BCL10: variants seen among roughly 807,000 people sequenced by gnomAD.
The protein encoded by BCL10 is BCL10 immune signaling adaptor.
In BCL10, 5 loss-of-function variants were observed where a neutral mutation model predicts 19.2. The observed-to-expected ratio is 0.26, with a 90% CI of 0.14 to 0.55. BCL10 has a LOEUF of 0.55. BCL10 is among the 20% of genes least tolerant of loss of function. The pLI, the probability that BCL10 is intolerant of heterozygous loss-of-function variation, is 0.94. For synonymous variants in BCL10, 110 were observed against 98.8 expected, an observed-to-expected ratio of 1.11 and a Z score of -0.67; for missense variants, 201 against 271.9, an observed-to-expected ratio of 0.74 and a Z score of 1.83.
At position 85,267,238 on chromosome 1, in the gene BCL10, A is replaced by C; in HGVS notation, c.*389T>G. 9.2e-6 allele frequency: 2 copies of C among 217,754 alleles called. No individual in the cohort carries two copies. The highest frequency in any genetic ancestry group is 1.4e-4 in the East Asian group (2 of 14,050). 13.5% of individuals were successfully genotyped at this position (217,754 alleles called of 1,614,324 possible). ...GCTTAATGCTGAAAATTTGCTGCTG[A>C]ATGACTGGCAAAGACTATTAGACTC... On this transcript the variant is annotated 3_prime_UTR_variant, in exon 3 of 3. Transcript: ENST00000648566.
At chr1:85,275,606 G>A (rs1422707316) in intron 1 of BCL10, among the ~76,000 whole-genome samples, 1 of 152,070 alleles carries the variant, frequency 6.6e-6, no homozygotes, top group Non-Finnish European at 1.5e-5. Context: ...ACAAGTAAAC[G>A]CAAAGGAAAA....
rs534650051 is a variant in BCL10, at chr1:85,275,259, A to G, written c.57+1037T>C. Reference sequence around the variant, plus strand: ...AGGAAACTGATCTTCATTTTTTTGTATCCTTCCAGACCCAAGGCCAGTGCT... The same window carrying G: ...AGGAAACTGATCTTCATTTTTTTGTGTCCTTCCAGACCCAAGGCCAGTGCT... On this transcript the variant is annotated intron_variant, in intron 1 of 2. Coordinates refer to ENST00000648566, the MANE Select transcript of BCL10 (RefSeq NM_003921.5). Among the ~76,000 whole-genome samples the G allele has an allele frequency of 4.6e-5, 7 of 152,280 alleles. No homozygotes were observed. The East Asian group carries it at 1.3e-3, about 29-fold the overall frequency.
chr1:85,274,840 AAACCCATCCATGGTTTCCTC>A (rs1660472148), intron 1 of BCL10, among the ~76,000 whole-genome samples: 1 of 152,232 alleles, frequency 6.6e-6, no homozygotes, highest in Non-Finnish European at 1.5e-5. Context: ...AGACCTTTTG[AAACCCATCCATGGTTTCCTC>A]AAGGTTATTT....
chr1:85,270,846 G>T lies in BCL10; in HGVS notation c.118C>A (p.His40Asn). The T allele has an allele frequency of 1.2e-6, 2 of 1,613,280 alleles. No individual in the cohort carries two copies. The highest frequency in any genetic ancestry group is 1.1e-5 in the South Asian group (1 of 91,038). Residue 40 changes from histidine (H) to asparagine (N), a missense_variant, in exon 2 of 3, where the codon CAT (histidine) becomes AAT (asparagine). By Grantham distance (68) the His-to-Asn change is moderately conservative. This residue lies in a region of BCL10 where 51 missense variants were observed against 118.8 expected (regional missense o/e 0.43). Transcript: ENST00000648566. The part of the protein sequence containing the change: ...EKIIAERHFD[H>N]LRAKKILSRE... ...CTGAGTATTTTTTTTGCACGTAGAT[G>T]ATCAAAATGTCTCTCAGCTATGATT...
chr1:85,267,511 A>G lies in BCL10; in HGVS notation c.*116T>C. 1.2e-6 allele frequency: 1 copy of G among 833,520 alleles called. No homozygotes were observed. Among genetic ancestry groups the G allele is most frequent in the South Asian group, 2.0e-5 (1 of 50,178 alleles). 51.6% of individuals were successfully genotyped at this position (833,520 alleles called of 1,614,324 possible). A position where few individuals can be genotyped will look rare whatever the true frequency, so the allele number is the denominator to read the frequency against. ...AATCCTATTTACAAAGTATGCTTAC[A>G]TTGCATTTTAAAAGACATGCATCAA... On this transcript the variant is annotated 3_prime_UTR_variant, in exon 3 of 3. Coordinates refer to ENST00000648566, the MANE Select transcript of BCL10 (RefSeq NM_003921.5).
chr1:85,267,407 A>G lies in BCL10; in HGVS notation c.*220T>C. ...AGTACTGAAAGACCTTAAAAAGGAA[A>G]AAAAGAAATTACTAAAAAGTACATG... On this transcript the variant is annotated 3_prime_UTR_variant, in exon 3 of 3. Transcript: ENST00000648566. The G allele has an allele frequency of 2.2e-6, 1 of 444,984 alleles. No homozygotes were observed. Among genetic ancestry groups the G allele is most frequent in the Non-Finnish European group, 3.9e-6 (1 of 255,496 alleles). 27.6% of individuals were successfully genotyped at this position (444,984 alleles called of 1,614,324 possible).
chr1:85,273,203 C>G (rs958788208), intron 1 of BCL10, among the ~76,000 whole-genome samples: 12 of 152,202 alleles, frequency 7.9e-5, no homozygotes, highest in Non-Finnish European at 1.5e-5. Context: ...TTTCCCAATT[C>G]ATTCCCAGAC....
Position 85,267,793 on chromosome 1 carries a change from A to C in BCL10, c.536T>G (p.Val179Gly). Reference protein sequence around the residue: ...NSSLNLPVLEVGRTENTIFSS... With the variant: ...NSSLNLPVLEGGRTENTIFSS... ...GAAGATGGTATTTTCAGTTCTGCCT[A>C]CTTCTAGAACAGGCAAATTCAGAGA... is the stretch of plus-strand genomic sequence containing the variant. Residue 179 changes from valine to glycine, a missense_variant, in exon 3 of 3, where the codon GTA (valine) becomes GGA (glycine). Transcript: ENST00000648566. 1 of 1,614,236 alleles carries C rather than the reference A, an allele frequency of 6.2e-7. No individual in the cohort carries two copies. Among genetic ancestry groups the C allele is most frequent in the East Asian group, 2.2e-5 (1 of 44,884 alleles).
intron 1 of BCL10, among the ~76,000 whole-genome samples, chr1:85,274,028 CA>C (rs1660439317): frequency 6.6e-6 from 1 of 152,182 alleles, no homozygotes; most frequent in African/African-American, 2.4e-5. Context: ...AGGTCCTTGA[CA>C]AATTCTATTC....
chr1:85,274,713 G>T (rs933380444), intron 1 of BCL10, among the ~76,000 whole-genome samples: 5 of 152,204 alleles, frequency 3.3e-5, no homozygotes, highest in African/African-American at 1.2e-4. Context: ...AGGACCTAGA[G>T]TGGAGAGAAA....
rs1441187612 is a variant in BCL10 at position 85,265,815 on chromosome 1, AAC to A, written c.*1810_*1811del. Among the ~76,000 whole-genome samples, 1 of 152,336 alleles carries A rather than the reference AAC, an allele frequency of 6.6e-6. No individual in the cohort carries two copies. On this transcript the variant is annotated 3_prime_UTR_variant, in exon 3 of 3. Coordinates refer to ENST00000648566, the MANE Select transcript of BCL10 (RefSeq NM_003921.5). ...AATTTTATTGTCTATGTAGTTAGAA[AAC>A]AGTCTGAAAGAAAACTCAGTGTTAA... is the stretch of plus-strand genomic sequence containing the variant.
chr1:85,267,594 T>G lies in BCL10; in HGVS notation c.*33A>C, dbSNP rs1660235070. 6.0e-6 allele frequency: 9 copies of G among 1,491,736 alleles called. No homozygotes were observed. Among genetic ancestry groups the G allele is most frequent in the Non-Finnish European group, 8.1e-6 (9 of 1,107,152 alleles). The allele number at this position is 1,491,736 out of a possible 1,614,324, so 92.4% of individuals were successfully genotyped here. A position where few individuals can be genotyped will look rare whatever the true frequency, so the allele number is the denominator to read the frequency against. On this transcript the variant is annotated 3_prime_UTR_variant, in exon 3 of 3. Coordinates refer to ENST00000648566, the MANE Select transcript of BCL10 (RefSeq NM_003921.5). The stretch of plus-strand genomic sequence containing the variant: ...AAGTCATATTCTTTAAAACATTTTT[T>G]GTCATCATTAAAAATTAAAAGGCAA...
Position 85,266,362 on chromosome 1 carries a change from T to C in BCL10, c.*1265A>G, listed in dbSNP as rs1471651931. 1 of 186,172 alleles carries C rather than the reference T, an allele frequency of 5.4e-6. No homozygotes were observed. The highest frequency in any genetic ancestry group is 1.1e-5 in the Non-Finnish European group (1 of 88,074). 11.5% of individuals were successfully genotyped at this position (186,172 alleles called of 1,614,324 possible). A position where few individuals can be genotyped will look rare whatever the true frequency, so the allele number is the denominator to read the frequency against. On this transcript the variant is annotated 3_prime_UTR_variant, in exon 3 of 3. Coordinates refer to ENST00000648566, the MANE Select transcript of BCL10 (RefSeq NM_003921.5). ...GAAACAGATAAAATTGTAATTTAAA[T>C]AAAAACAAACAGTGAGAGCATAAGA...
In BCL10 at chr1:85,267,781, T is replaced by G; in HGVS notation, c.548A>C (p.Glu183Ala). 1 of 1,614,220 alleles carries G rather than the reference T, an allele frequency of 6.2e-7. No homozygotes were observed. Among genetic ancestry groups the G allele is most frequent in the Non-Finnish European group, 8.5e-7 (1 of 1,180,056 alleles). ...NLPVLEVGRTENTIFSSTTLP... is the reference protein window; with the variant it reads ...NLPVLEVGRTANTIFSSTTLP... ...TGTAGTTGAAGAGAAGATGGTATTT[T>G]CAGTTCTGCCTACTTCTAGAACAGG... The change falls in exon 3 of 3, where the codon GAA (glutamate) becomes GCA (alanine). Residue 183 changes from glutamate to alanine, a missense_variant. Around this residue, in one of 3 missense-constraint regions of BCL10, gnomAD observed 126 missense variants for 136.6 expected, o/e 0.92. Transcript: ENST00000648566.
rs1660219252 is a variant in BCL10 at position 85,267,069 on chromosome 1, G to A, written c.*558C>T. On this transcript the variant is annotated 3_prime_UTR_variant, in exon 3 of 3. Coordinates refer to ENST00000648566, the MANE Select transcript of BCL10 (RefSeq NM_003921.5). ...ATTTTGGCAAACCGAGATCTTAGGT[G>A]GCTCACACTCCATCAAGTGTTCCTC... 1 of 189,670 alleles carries A rather than the reference G, an allele frequency of 5.3e-6. No homozygotes were observed. Among genetic ancestry groups the A allele is most frequent in the Non-Finnish European group, 1.1e-5 (1 of 90,304 alleles). 11.7% of individuals were successfully genotyped at this position (189,670 alleles called of 1,614,324 possible).
chr1:85,276,572 C>T lies in BCL10; in HGVS notation c.-220G>A. On this transcript the variant is annotated 5_prime_UTR_variant, in exon 1 of 3. Transcript: ENST00000648566. ...AGGTCGACGGCGACGCGAATCTACG[C>T]GACGCGACGCGGAGCTCGGAGCAGC... 1.7e-6 allele frequency: 1 copy of T among 599,974 alleles called. No homozygotes were observed. Among genetic ancestry groups the T allele is most frequent in the African/African-American group, 1.9e-5 (1 of 53,846 alleles). 37.2% of individuals were successfully genotyped at this position (599,974 alleles called of 1,614,324 possible). A position where few individuals can be genotyped will look rare whatever the true frequency, so the allele number is the denominator to read the frequency against.
Position 85,267,637 on chromosome 1 carries a change from G to C in BCL10, c.692C>G (p.Ser231Ter). The C allele has an allele frequency of 2.5e-6, 4 of 1,580,748 alleles. No homozygotes were observed. Among genetic ancestry groups the C allele is most frequent in the Non-Finnish European group, 3.4e-6 (4 of 1,166,494 alleles). The change falls in exon 3 of 3, where the codon TCA becomes TGA. Residue 231 changes from serine to a stop codon, truncating the protein, a stop_gained. Coordinates refer to ENST00000648566, the MANE Select transcript of BCL10 (RefSeq NM_003921.5). LOFTEE classifies it high-confidence loss of function. Reference protein sequence around the residue: ...MFLPLRSRTVSRQ With the variant: ...MFLPLRSRTV ...AAAGGCAATAAAGTGTCATTGTCGT[G>C]AAACAGTACGTGATCTTAAGGGAAG... is the stretch of plus-strand genomic sequence containing the variant.
Position 85,276,325 on chromosome 1 carries a change from C to T in BCL10, c.28G>A (p.Glu10Lys), listed in dbSNP as rs1403156514. MEPTAPSLTEEDLTEVKKDA... is the reference protein window; with the variant it reads MEPTAPSLTKEDLTEVKKDA... ...TTCTTCACTTCAGTGAGGTCCTCCT[C>T]GGTGAGGGACGGTGCGGTGGGCTCC... The change falls in exon 1 of 3, where the codon GAG becomes AAG. Residue 10 changes from glutamate to lysine, a missense_variant. Coordinates refer to ENST00000648566, the MANE Select transcript of BCL10 (RefSeq NM_003921.5). 4 of 1,613,592 alleles carry T rather than the reference C, an allele frequency of 2.5e-6. No individual in the cohort carries two copies. Among genetic ancestry groups the T allele is most frequent in the Non-Finnish European group, 2.5e-6 (3 of 1,179,656 alleles).
intron 1 of BCL10, among the ~76,000 whole-genome samples, chr1:85,274,257 C>T (rs890393590): frequency 6.6e-6 from 1 of 152,122 alleles, no homozygotes. Context: ...ATGTTTTAGC[C>T]AACACTGTAT....
Sources: gnomAD v4.1 joint callset for allele counts (sites outside exome capture counted in the v4.1 genomes callset) on GRCh38, gnomAD v4.1.1 for gene constraint, gnomAD v4.1.1 regional missense constraint, MANE v1.5 for transcripts, NCBI Gene and HGNC (gene_info 2026-07-23, HGNC 2026-07-21) for gene names.